PRRX2: variants seen among roughly 807,000 people sequenced by gnomAD.
PRRX2 encodes paired mesoderm homeobox protein 2.
PRRX2 carries 11 observed loss-of-function variants against 18.0 expected under a neutral mutation model. The ratio of observed to expected loss-of-function variants is 0.61; its 90% CI spans 0.39 to 1.01. The LOEUF (loss-of-function observed/expected upper bound fraction) is 1.01, where lower values mean the gene tolerates loss of function less well. Ranked by LOEUF, PRRX2 falls within the 50% of genes least tolerant of loss-of-function variation. PRRX2 has a pLI of 0.01. For synonymous variants in PRRX2, 177 were observed against 154.8 expected (o/e 1.14, Z -1.06); for missense variants, 387 against 351.0 (o/e 1.10, Z -0.82).
In PRRX2 at chr9:129,709,065, C is replaced by T. The variant is rs975855550; in HGVS notation, c.260-10166C>T. Reference sequence around the variant, plus strand: ...TGCGCTTGTATGGGAGCCGGGAAGGCCTCTCAGGGCTGGGCATGTAGGCTG... The same window carrying T: ...TGCGCTTGTATGGGAGCCGGGAAGGTCTCTCAGGGCTGGGCATGTAGGCTG... On this transcript the variant is annotated intron_variant, in intron 1 of 3. Transcript: ENST00000372469. The surrounding 1 kb of genome is among the most constrained non-coding windows in gnomAD (Gnocchi z 4.2). Among the ~76,000 whole-genome samples the T allele has an allele frequency of 2.0e-5, 3 of 152,190 alleles. No individual in the cohort carries two copies. Among genetic ancestry groups the T allele is most frequent in the Admixed American group, 1.3e-4 (2 of 15,278 alleles).
At chr9:129,690,047 G>A (rs1482726110) in intron 1 of PRRX2, among the ~76,000 whole-genome samples, 4 of 151,944 alleles carry the variant, frequency 2.6e-5, no homozygotes, top group African/African-American at 9.7e-5. Context: ...CACCGCGCCT[G>A]GCCAATAGCA....
At chr9:129,668,789 A>G (rs1324427912) in intron 1 of PRRX2, among the ~76,000 whole-genome samples, 1 of 151,202 alleles carries the variant, frequency 6.6e-6, no homozygotes, top group South Asian at 2.1e-4. Flanking sequence ...AAAAAAAAAA[A>G]AAAAAAAAAG....
intron 1 of PRRX2, among the ~76,000 whole-genome samples, chr9:129,702,098 C>G (rs371802754): frequency 8.0e-5 from 12 of 150,530 alleles, no homozygotes; most frequent in African/African-American, 2.9e-4. Context: ...GAAACTCCGT[C>G]TCAAAACTTT....
intron 1 of PRRX2, among the ~76,000 whole-genome samples, chr9:129,710,920 G>C (rs1832610154): frequency 6.6e-6 from 1 of 151,978 alleles, no homozygotes; most frequent in African/African-American, 2.4e-5. Flanking sequence ...TTCACATGTT[G>C]TTGAGCTCTC....
Position 129,671,601 on chromosome 9 carries a change from G to A in PRRX2, c.259+5475G>A, listed in dbSNP as rs1007239193. On this transcript the variant is annotated intron_variant, in intron 1 of 3. Coordinates refer to ENST00000372469, the MANE Select transcript of PRRX2 (RefSeq NM_016307.4). The surrounding 1 kb of genome is among the most constrained non-coding windows in gnomAD (Gnocchi z 4.0). ...TGCGAGTCAGTGTTGCCATCTGTGG[G>A]ATAGGAACAAGGGCTGTGGTATCCC... Among the ~76,000 whole-genome samples the A allele has an allele frequency of 6.6e-6, 1 of 152,214 alleles. No individual in the cohort carries two copies. The highest frequency in any genetic ancestry group is 2.4e-5 in the African/African-American group (1 of 41,448).
intron 1 of PRRX2, among the ~76,000 whole-genome samples, chr9:129,667,211 C>CA (rs1052559153): frequency 1.2e-4 from 18 of 152,282 alleles, no homozygotes; most frequent in African/African-American, 3.1e-4. Flanking sequence ...TGGCAGCGGC[C>CA]ACCACTCACT....
At chr9:129,712,647 G>A (rs930911029) in intron 1 of PRRX2, among the ~76,000 whole-genome samples, 1 of 152,188 alleles carries the variant, frequency 6.6e-6, no homozygotes, top group Admixed American at 6.5e-5. Context: ...GGAGGAGACA[G>A]CGCGAGACAG....
At chr9:129,696,932 C>A (rs1173921248) in intron 1 of PRRX2, among the ~76,000 whole-genome samples, 1 of 152,174 alleles carries the variant, frequency 6.6e-6, no homozygotes, top group African/African-American at 2.4e-5. Context: ...GTCCGATAGA[C>A]CAGCTGAATG....
Position 129,684,391 on chromosome 9 carries a change from GGAGACACACACACAGAGA to G in PRRX2, c.259+18278_259+18295del, listed in dbSNP as rs146971743. On this transcript the variant is annotated intron_variant, in intron 1 of 3. Transcript: ENST00000372469. Reference sequence around the variant, plus strand: ...CTCTGGCTTCACCCTTTCCTATAGAGGAGACACACACACAGAGAGAGACACACACAGATACAACACACA... The same window carrying G: ...CTCTGGCTTCACCCTTTCCTATAGAGGAGACACACACAGATACAACACACA... 4.4e-3 allele frequency among the ~76,000 whole-genome samples: 649 copies of G among 147,460 alleles called. 19 individuals are homozygous for G. The East Asian group carries it at 0.072, about 16-fold the overall frequency.
rs750493450 is a variant in PRRX2, at chr9:129,722,251, C to T, written c.661C>T (p.Pro221Ser). The T allele has an allele frequency of 1.7e-5, 27 of 1,613,880 alleles. No individual in the cohort carries two copies. The change falls in exon 4 of 4, where the codon CCC becomes TCC. Residue 221 changes from proline (P) to serine (S), a missense_variant. Pro to Ser is a moderately conservative substitution (Grantham distance 74). Coordinates refer to ENST00000372469, the MANE Select transcript of PRRX2 (RefSeq NM_016307.4). Reference protein sequence around the residue: ...VPPYSPGSSGPATPGVNMANS... With the variant: ...VPPYSPGSSGSATPGVNMANS... ...ACCCTACAGCCCTGGGAGCTCAGGC[C>T]CCGCAACCCCAGGGGTCAACATGGC...
intron 1 of PRRX2, among the ~76,000 whole-genome samples, chr9:129,680,869 G>A (rs1188243443): frequency 6.6e-6 from 1 of 152,194 alleles, no homozygotes; most frequent in South Asian, 2.1e-4. Context: ...ATTTTCCACA[G>A]CACAAATGGT....
intron 1 of PRRX2, among the ~76,000 whole-genome samples, chr9:129,699,828 G>A (rs1378955205): frequency 6.6e-6 from 1 of 152,152 alleles, no homozygotes. Context: ...AAGCTTTGGG[G>A]AGGAAGTGTC....
At chr9:129,674,965 C>T (rs1214914674) in intron 1 of PRRX2, among the ~76,000 whole-genome samples, 2 of 152,150 alleles carry the variant, frequency 1.3e-5, no homozygotes, top group Non-Finnish European at 2.9e-5. Flanking sequence ...TATGCGTCTG[C>T]ATTCAATAGC....
chr9:129,682,774 C>G (rs752116860), intron 1 of PRRX2, among the ~76,000 whole-genome samples: 25 of 152,172 alleles, frequency 1.6e-4, no homozygotes, highest in Non-Finnish European at 3.4e-4. Flanking sequence ...TCAGGTCTTC[C>G]AGCACCACCA....
intron 1 of PRRX2, among the ~76,000 whole-genome samples, chr9:129,684,532 A>ACACCC (rs1165343797): frequency 1.4e-5 from 2 of 140,372 alleles, no homozygotes; most frequent in South Asian, 2.3e-4. Context: ...ACCCACACAC[A>ACACCC]CCCCAACAGA....
rs779650417 is a variant in PRRX2 at position 129,722,307 on chromosome 9, CA to C, written c.719del (p.Lys240ArgfsTer13). On this transcript the variant is annotated frameshift_variant, in exon 4 of 4. Transcript: ENST00000372469. LOFTEE classifies it high-confidence loss of function. ...GCATCGCCAGCCTCCGTCTCAAGGC[CA>C]AGGAGTTCAGCCTGCACCACAGCCA... ...NSIASLRLKA[K>X]EFSLHHSQVP... The C allele has an allele frequency of 4.3e-6, 7 of 1,613,918 alleles. No individual in the cohort carries two copies. The highest frequency in any genetic ancestry group is 2.7e-5 in the African/African-American group (2 of 74,916).
rs1832599202 is a variant in PRRX2 at position 129,709,846 on chromosome 9, T to C, written c.260-9385T>C. 6.8e-6 allele frequency among the ~76,000 whole-genome samples: 1 copy of C among 148,098 alleles called. No homozygotes were observed. Among genetic ancestry groups the C allele is most frequent in the Non-Finnish European group, 1.5e-5 (1 of 67,000 alleles). ...GCTCCAGGGGAGGAACCTAGACCCC[T>C]GCACAGGAGGGCGGGCTCTGCAGGC... On this transcript the variant is annotated intron_variant, in intron 1 of 3. Coordinates refer to ENST00000372469, the MANE Select transcript of PRRX2 (RefSeq NM_016307.4). The surrounding 1 kb of genome is among the most constrained non-coding windows in gnomAD (Gnocchi z 4.2).
chr9:129,702,470 G>A (rs1182696237), intron 1 of PRRX2, among the ~76,000 whole-genome samples: 3 of 152,360 alleles, frequency 2.0e-5, no homozygotes, highest in African/African-American at 4.8e-5. Context: ...GTCCAATGTG[G>A]CGGCCACTGG....
At chr9:129,682,874 G>A (rs894364013) in intron 1 of PRRX2, among the ~76,000 whole-genome samples, 5 of 152,262 alleles carry the variant, frequency 3.3e-5, no homozygotes, top group Admixed American at 3.3e-4. Context: ...GGAGGCCGGA[G>A]TGGGCGGATC....
Sources: gnomAD v4.1 joint callset for allele counts (sites outside exome capture counted in the v4.1 genomes callset) on GRCh38, gnomAD v4.1.1 for gene constraint, Gnocchi (gnomAD v3.1) non-coding constraint, MANE v1.5 for transcripts, NCBI Gene and HGNC (gene_info 2026-07-23, HGNC 2026-07-21) for gene names.